Variants in ITGA4 observed in about 807,000 individuals in gnomAD.
ITGA4 encodes integrin alpha-4.
ITGA4 carries 63 observed loss-of-function variants against 133.6 expected under a neutral mutation model. The ratio of observed to expected loss-of-function variants is 0.47; its 90% confidence interval spans 0.38 to 0.58. The LOEUF is 0.58. Ranked by LOEUF, ITGA4 falls within the 20% of genes least tolerant of loss-of-function variation. ITGA4 has a pLI of 0.00. For synonymous variants in ITGA4, 483 were observed against 438.0 expected (o/e 1.10, Z -1.28); for missense variants, 1,076 against 1,252.7 (o/e 0.86, Z 2.13).
chr2:181,481,480 A>G, intron 6 of ITGA4, 118 bp from the exon 7 acceptor site: 1 of 405,570 alleles, frequency 2.5e-6, no homozygotes, highest in Non-Finnish European at 4.5e-6. Context: ...AAATATTCTT[A>G]ACTGCTTAAT....
At chr2:181,475,321 G>T in intron 4 of ITGA4, 33 bp downstream of exon 4, 1 of 1,549,474 alleles carries the variant, frequency 6.5e-7, no homozygotes, top group Non-Finnish European at 8.9e-7. Flanking sequence ...ATTAGATAAA[G>T]ATAAGTAAGT....
rs1313392233 is a variant in ITGA4, at chr2:181,536,650, T to C, written c.*1123T>C. 1 of 182,254 alleles carries C rather than the reference T, an allele frequency of 5.5e-6. No individual in the cohort carries two copies. Among genetic ancestry groups the C allele is most frequent in the African/African-American group, 2.4e-5 (1 of 41,706 alleles). The allele number at this position is 182,254 out of a possible 1,614,324, so 11.3% of individuals were successfully genotyped here. ...ACTGATTCAATTTGTATACAGTGAA[T>C]ATAAATGAGACGACAGCAAAATTTT... On this transcript the variant is annotated 3_prime_UTR_variant, in exon 28 of 28. Transcript: ENST00000397033.
chr2:181,495,858 TG>T lies in ITGA4; in HGVS notation c.1462del (p.Glu488LysfsTer9). On this transcript the variant is annotated frameshift_variant, in exon 14 of 28. Coordinates refer to ENST00000397033, the MANE Select transcript of ITGA4 (RefSeq NM_000885.6). LOFTEE classifies it high-confidence loss of function. This position sits in a 1 kb window ranked among gnomAD's most constrained non-coding sequence, Gnocchi z 4.3. ...TAAATAGAACGAAATTTGACTGTGT[TG>T]AAAATGGATGGCCTTCTGTGTGCAT... ...SVNRTKFDCV[E>X]NGWPSVCIDL... is the part of the protein sequence containing the mutation. 1 of 1,614,020 alleles carries T rather than the reference TG, an allele frequency of 6.2e-7. No homozygotes were observed. Among genetic ancestry groups the T allele is most frequent in the Admixed American group, 1.7e-5 (1 of 60,018 alleles).
intron 15 of ITGA4, among the ~76,000 whole-genome samples, chr2:181,506,253 G>C (rs543428729): frequency 6.6e-6 from 1 of 152,116 alleles, no homozygotes; most frequent in African/African-American, 2.4e-5. Context: ...CCTATTCTAG[G>C]AAACTGAAAT....
intron 6 of ITGA4, 93 bp from the exon 7 acceptor site, chr2:181,481,505 T>C (rs943498885): frequency 1.2e-5 from 6 of 511,298 alleles, no homozygotes; most frequent in African/African-American, 3.9e-5. Flanking sequence ...TGATTTTGAA[T>C]TCGGTATCAT....
intron 3 of ITGA4, 27 bp from the exon 4 acceptor site, chr2:181,475,132 C>A: frequency 1.2e-6 from 2 of 1,613,272 alleles, no homozygotes; most frequent in Non-Finnish European, 1.7e-6. Context: ...GCTTTCACAT[C>A]ATTTGGTCTA....
At chr2:181,524,059 A>G (rs1686782680) in intron 19 of ITGA4, 112 bp from the exon 20 acceptor site, 1 of 686,480 alleles carries the variant, frequency 1.5e-6, no homozygotes, top group African/African-American at 1.9e-5. Flanking sequence ...ATGCCTTTAC[A>G]ATGGTTCAAT....
In ITGA4 at chr2:181,457,649, G is replaced by A. The variant is rs1256470089; in HGVS notation, c.-6G>A. On this transcript the variant is annotated 5_prime_UTR_variant, in exon 1 of 28. Coordinates refer to ENST00000397033, the MANE Select transcript of ITGA4 (RefSeq NM_000885.6). ...TTTAGTGTTGAATGTTCCCCACCGA[G>A]AGCGCATGGCTTGGGAAGCGAGGCG... 8.1e-6 allele frequency: 13 copies of A among 1,608,606 alleles called. No individual in the cohort carries two copies. The highest frequency in any genetic ancestry group is 1.1e-5 in the Non-Finnish European group (13 of 1,178,768).
chr2:181,481,098 CTTG>C (rs1685791476), intron 6 of ITGA4, among the ~76,000 whole-genome samples: 1 of 152,056 alleles, frequency 6.6e-6, no homozygotes, highest in South Asian at 2.1e-4. Flanking sequence ...TCAATGTTTT[CTTG>C]TTTATGATGA....
chr2:181,491,830 T>C (rs1425569573), intron 10 of ITGA4, among the ~76,000 whole-genome samples: 5 of 152,344 alleles, frequency 3.3e-5, no homozygotes, highest in African/African-American at 1.2e-4. Flanking sequence ...TGCACAAATC[T>C]GACTCCAGTT....
At chr2:181,525,858 T>C (rs1298877876) in intron 21 of ITGA4, among the ~76,000 whole-genome samples, 3 of 152,188 alleles carry the variant, frequency 2.0e-5, no homozygotes, top group Non-Finnish European at 4.4e-5. Context: ...CCCCCTCTCA[T>C]TCAAGAAGGA....
intron 4 of ITGA4, 98 bp from the exon 5 acceptor site, chr2:181,478,659 T>C (rs1685735584): frequency 2.0e-6 from 1 of 510,282 alleles, no homozygotes; most frequent in African/African-American, 2.0e-5. Flanking sequence ...ATACAAACTA[T>C]AGACCTTAAA....
At chr2:181,529,277 A>G (rs1686893845) in intron 22 of ITGA4, among the ~76,000 whole-genome samples, 1 of 152,224 alleles carries the variant, frequency 6.6e-6, no homozygotes, top group Non-Finnish European at 1.5e-5. Flanking sequence ...TGTTTCTCCA[A>G]TAAACCATCA....
chr2:181,487,319 G>C (rs550669029), intron 10 of ITGA4, among the ~76,000 whole-genome samples: 1 of 152,122 alleles, frequency 6.6e-6, no homozygotes, highest in South Asian at 2.1e-4. Context: ...AAGGTGTTGT[G>C]GCTGTTTTGT....
intron 4 of ITGA4, among the ~76,000 whole-genome samples, 189 bp from the exon 5 acceptor site, chr2:181,478,568 T>G (rs894871766): frequency 7.9e-5 from 12 of 152,024 alleles, no homozygotes; most frequent in African/African-American, 2.7e-4. Flanking sequence ...GATATTTTTA[T>G]TGCCATTTCA....
intron 10 of ITGA4, among the ~76,000 whole-genome samples, chr2:181,487,616 T>C (rs1001466737): frequency 6.6e-6 from 1 of 152,184 alleles, no homozygotes; most frequent in African/African-American, 2.4e-5. Context: ...CCTGGTTTGA[T>C]TAAAAACAAA....
intron 26 of ITGA4, 100 bp from the exon 27 acceptor site, chr2:181,534,716 C>T (rs2105775083): frequency 4.0e-6 from 4 of 1,010,720 alleles, no homozygotes; most frequent in Non-Finnish European, 4.4e-6. Flanking sequence ...GTTCTAAATA[C>T]TACTGGGGAT....
At chr2:181,518,132 A>T (rs1205262715) in intron 17 of ITGA4, among the ~76,000 whole-genome samples, 2 of 152,034 alleles carry the variant, frequency 1.3e-5, no homozygotes, top group African/African-American at 4.8e-5. Context: ...AAGCAGATTC[A>T]TACTACTTAA....
Position 181,523,824 on chromosome 2 carries a change from GT to G in ITGA4, c.2169+293del, listed in dbSNP as rs1489055059. On this transcript the variant is annotated intron_variant, in intron 19 of 27. Coordinates refer to ENST00000397033, the MANE Select transcript of ITGA4 (RefSeq NM_000885.6). The surrounding 1 kb of genome is among the most constrained non-coding windows in gnomAD (Gnocchi z 4.2). The stretch of plus-strand genomic sequence containing the variant: ...CCGAAAACCCCCACCCCCACCGCAG[GT>G]GGTCCTGTCTGCCAGGCATGTTACC... 1.7e-4 allele frequency among the ~76,000 whole-genome samples: 26 copies of G among 152,140 alleles called. No individual in the cohort carries two copies. The highest frequency in any genetic ancestry group is 1.7e-3 in the Admixed American group (26 of 15,272).
Sources: allele counts gnomAD v4.1 joint callset (sites outside exome capture counted in the v4.1 genomes callset), GRCh38; gene constraint gnomAD v4.1.1; non-coding constraint Gnocchi (gnomAD v3.1); transcripts MANE v1.5; gene names NCBI Gene and HGNC (gene_info 2026-07-23, HGNC 2026-07-21).